PLEKHA7: variants seen among roughly 807,000 people sequenced by gnomAD.
PLEKHA7 encodes pleckstrin homology domain containing A7.
A neutral mutation model predicts 170.0 loss-of-function variants in PLEKHA7; 104 were observed. That is an observed-to-expected ratio of 0.61 (90% CI 0.52 to 0.72). The LOEUF (loss-of-function observed/expected upper bound fraction) is 0.72. Among genes scored for constraint, PLEKHA7 ranks in the 30% least tolerant of loss-of-function variants. The probability of loss-of-function intolerance (pLI) is 0.00; values close to 1 mark genes in which losing one functional copy is unlikely to be tolerated. For missense variants in PLEKHA7, 1,615 were observed against 1,671.7 expected, an observed-to-expected ratio of 0.97 and a Z score of 0.59; for synonymous variants, 648 against 660.8, an observed-to-expected ratio of 0.98 and a Z score of 0.30.
At chr11:16,957,430 T>C (rs1209153251) in intron 3 of PLEKHA7, among the ~76,000 whole-genome samples, 1 of 152,218 alleles carries the variant, frequency 6.6e-6, no homozygotes, top group African/African-American at 2.4e-5. Flanking sequence ...TTAAAAATTA[T>C]CTCATGTATG....
At chr11:16,878,503 C>G (rs1456554477) in intron 3 of PLEKHA7, among the ~76,000 whole-genome samples, 2 of 152,228 alleles carry the variant, frequency 1.3e-5, no homozygotes, top group Non-Finnish European at 2.9e-5. Flanking sequence ...CTTGTCCATG[C>G]TGGCCCAGCC....
chr11:16,983,773 G>A (rs1397073994), intron 3 of PLEKHA7, among the ~76,000 whole-genome samples: 1 of 152,212 alleles, frequency 6.6e-6, no homozygotes, highest in African/African-American at 2.4e-5. Flanking sequence ...CCTCCTCAGG[G>A]AGAAGGCTCC....
At chr11:16,790,758 T>A in intron 21 of PLEKHA7, 40 bp downstream of exon 21, 1 of 1,582,296 alleles carries the variant, frequency 6.3e-7, no homozygotes, top group South Asian at 1.1e-5. Flanking sequence ...AGCAGTGTGG[T>A]GGGATTCCCA....
intron 8 of PLEKHA7, among the ~76,000 whole-genome samples, chr11:16,846,659 A>C (rs771404427): frequency 2.6e-5 from 4 of 152,254 alleles, no homozygotes; most frequent in Non-Finnish European, 5.9e-5. Context: ...TCACTTGAGC[A>C]ACCTAGGGAG....
chr11:16,855,695 G>T (rs1853378786), intron 5 of PLEKHA7, 108 bp downstream of exon 5: 1 of 815,164 alleles, frequency 1.2e-6, no homozygotes, highest in Non-Finnish European at 2.0e-6. Flanking sequence ...CACTTCTTAT[G>T]GGTCTCTCTC....
chr11:16,883,371 C>T (rs867121550), intron 3 of PLEKHA7, among the ~76,000 whole-genome samples: 72 of 152,330 alleles, frequency 4.7e-4, no homozygotes, highest in Middle Eastern at 6.8e-3. Flanking sequence ...CCAGCAGGGG[C>T]CACATGAGAG....
At chr11:16,877,615 A>T (rs1350490076) in intron 3 of PLEKHA7, among the ~76,000 whole-genome samples, 1 of 152,236 alleles carries the variant, frequency 6.6e-6, no homozygotes, top group Non-Finnish European at 1.5e-5. Context: ...GATTTGCAAC[A>T]GCTCACTGCA....
At chr11:16,982,779 C>CCACACACACACACACACACACA (rs1565178806) in intron 3 of PLEKHA7, among the ~76,000 whole-genome samples, 1 of 17,914 alleles carries the variant, frequency 5.6e-5, no homozygotes, top group African/African-American at 1.1e-4. Flanking sequence ...TCACTATCCC[C>CCACACACACACACACACACACA]TACACACACA....
At chr11:16,889,020 C>T (rs185240312) in intron 3 of PLEKHA7, among the ~76,000 whole-genome samples, 1,886 of 151,056 alleles carry the variant, frequency 0.012, 48 homozygotes, top group African/African-American at 0.043. Flanking sequence ...ACCCCTGTGA[C>T]CTGCACATAT....
chr11:16,898,668 C>G (rs532684279), intron 3 of PLEKHA7, among the ~76,000 whole-genome samples: 4 of 152,106 alleles, frequency 2.6e-5, no homozygotes, highest in African/African-American at 9.7e-5. Context: ...AAGGCCTTGT[C>G]CACACTTCCT....
At chr11:16,922,894 C>T (rs1204854660) in intron 3 of PLEKHA7, among the ~76,000 whole-genome samples, 1 of 152,158 alleles carries the variant, frequency 6.6e-6, no homozygotes, top group Non-Finnish European at 1.5e-5. Context: ...GGACAGAGGC[C>T]TCCACTGATG....
chr11:16,921,880 C>T (rs1437390110), intron 3 of PLEKHA7, among the ~76,000 whole-genome samples: 2 of 152,226 alleles, frequency 1.3e-5, no homozygotes, highest in Non-Finnish European at 2.9e-5. Flanking sequence ...GATAAAAGGA[C>T]TCGTCTAGAG....
At chr11:16,779,384 C>G (rs1212627471) in intron 26 of PLEKHA7, among the ~76,000 whole-genome samples, 1 of 152,230 alleles carries the variant, frequency 6.6e-6, no homozygotes. Context: ...GTCATACCCA[C>G]TTCTTAACAA....
At chr11:16,843,810 G>C (rs1187464612) in intron 8 of PLEKHA7, among the ~76,000 whole-genome samples, 1 of 152,146 alleles carries the variant, frequency 6.6e-6, no homozygotes, top group Non-Finnish European at 1.5e-5. Flanking sequence ...GGTGGCACAT[G>C]CCTGTAATCT....
At chr11:16,835,067 C>T (rs539898572) in intron 9 of PLEKHA7, among the ~76,000 whole-genome samples, 8 of 151,990 alleles carry the variant, frequency 5.3e-5, no homozygotes, top group East Asian at 3.9e-4. Context: ...CCCAGGAGTT[C>T]GAGGCCAGCC....
At chr11:16,974,626 GTTTTTTT>G (rs397965149) in intron 3 of PLEKHA7, 10 of 149,636 alleles carry the variant, frequency 6.7e-5, no homozygotes, top group East Asian at 2.8e-4. Context: ...GATTTCACAG[GTTTTTTT>G]TTTTTTTTTT....
chr11:16,882,212 A>T (rs975729825), intron 3 of PLEKHA7, among the ~76,000 whole-genome samples: 1 of 152,218 alleles, frequency 6.6e-6, no homozygotes, highest in African/African-American at 2.4e-5. Context: ...TCCACTTAGG[A>T]TGACTGTATT....
intron 3 of PLEKHA7, among the ~76,000 whole-genome samples, chr11:16,877,150 C>G (rs1413778377): frequency 6.6e-6 from 1 of 152,192 alleles, no homozygotes; most frequent in Admixed American, 6.5e-5. Flanking sequence ...CCCTCTGGAC[C>G]TTCTGGTTCC....
chr11:16,984,956 T>C (rs1173143621), intron 3 of PLEKHA7, among the ~76,000 whole-genome samples: 2 of 152,178 alleles, frequency 1.3e-5, no homozygotes, highest in Non-Finnish European at 2.9e-5. Flanking sequence ...GCAACAGAAG[T>C]GGGATTAAAA....
Sources: allele counts gnomAD v4.1 joint callset (sites outside exome capture counted in the v4.1 genomes callset), GRCh38; gene constraint gnomAD v4.1.1; transcripts MANE v1.5; gene names NCBI Gene and HGNC (gene_info 2026-07-23, HGNC 2026-07-21).